The following LRCH3 variants were observed in gnomAD, a reference collection of about 807,000 sequenced individuals.
LRCH3 encodes the protein leucine rich repeats and calponin homology domain containing 3.
In LRCH3, 68 loss-of-function variants were observed where a neutral mutation model predicts 104.5. The ratio of observed to expected loss-of-function variants is 0.65; its 90% CI spans 0.54 to 0.80. LRCH3 has a LOEUF of 0.80. LRCH3 is among the 30% of genes least tolerant of loss of function. The pLI is 0.00. For synonymous variants in LRCH3, 344 were observed against 361.3 expected (o/e 0.95, Z 0.54); for missense variants, 951 against 953.9 (o/e 1.00, Z 0.04).
chr3:197,846,992 T>C (rs1738830724), intron 10 of LRCH3, among the ~76,000 whole-genome samples: 1 of 152,206 alleles, frequency 6.6e-6, no homozygotes, highest in Non-Finnish European at 1.5e-5. Context: ...GCAGGTGTGC[T>C]TTATAAGTAC....
chr3:197,854,518 T>C lies in LRCH3; in HGVS notation c.1644+73T>C. 7.6e-7 allele frequency: 1 copy of C among 1,316,392 alleles called. No homozygotes were observed. Among genetic ancestry groups the C allele is most frequent in the Non-Finnish European group, 1.1e-6 (1 of 909,028 alleles). 81.5% of individuals were successfully genotyped at this position (1,316,392 alleles called of 1,614,324 possible). ...TTGTACTTTTTATTCAGAAACTATCTAAATACCATAAAACATGATGAACAT... is the reference window on the plus strand; with the variant it reads ...TTGTACTTTTTATTCAGAAACTATCCAAATACCATAAAACATGATGAACAT... On this transcript the variant is annotated intron_variant, in intron 14 of 20. Transcript: ENST00000425562. This position sits in a 1 kb window ranked among gnomAD's most constrained non-coding sequence, Gnocchi z 4.5.
At chr3:197,813,859 G>A (rs1467956007) in intron 1 of LRCH3, among the ~76,000 whole-genome samples, 2 of 152,018 alleles carry the variant, frequency 1.3e-5, no homozygotes, top group Non-Finnish European at 2.9e-5. Context: ...ATTATCTTTT[G>A]TAAAGATAAC....
intron 9 of LRCH3, among the ~76,000 whole-genome samples, chr3:197,838,392 T>C (rs148394608): frequency 6.6e-6 from 1 of 152,374 alleles, no homozygotes; most frequent in South Asian, 2.1e-4. Context: ...CCCTTTGAAG[T>C]AACTCACCAA....
At chr3:197,861,908 A>G (rs891453128) in intron 15 of LRCH3, among the ~76,000 whole-genome samples, 2 of 152,258 alleles carry the variant, frequency 1.3e-5, no homozygotes, top group African/African-American at 4.8e-5. Flanking sequence ...TAATAAAAAT[A>G]CATTTCAGAA....
At chr3:197,845,115 G>A (rs1210845570) in intron 10 of LRCH3, among the ~76,000 whole-genome samples, 3 of 152,088 alleles carry the variant, frequency 2.0e-5, no homozygotes, top group Non-Finnish European at 4.4e-5. Context: ...TTTTAGAGAA[G>A]TATTGTAAAA....
intron 1 of LRCH3, among the ~76,000 whole-genome samples, chr3:197,812,750 C>T (rs558466131): frequency 3.9e-5 from 6 of 151,906 alleles, no homozygotes; most frequent in South Asian, 2.1e-4. Flanking sequence ...TTTGTGGAGA[C>T]GGGGTTTCGC....
At chr3:197,793,893 G>C (rs1309084581) in intron 1 of LRCH3, among the ~76,000 whole-genome samples, 1 of 152,160 alleles carries the variant, frequency 6.6e-6, no homozygotes, top group African/African-American at 2.4e-5. Flanking sequence ...GACCTTGCTC[G>C]TTACCCAGTC....
intron 4 of LRCH3, among the ~76,000 whole-genome samples, chr3:197,821,483 A>G (rs1257878554): frequency 6.6e-6 from 1 of 152,224 alleles, no homozygotes; most frequent in African/African-American, 2.4e-5. Context: ...AGTAAGAGTC[A>G]TCAGCTCATG....
chr3:197,828,401 A>C (rs1368742852), intron 5 of LRCH3, among the ~76,000 whole-genome samples: 1 of 152,020 alleles, frequency 6.6e-6, no homozygotes, highest in African/African-American at 2.4e-5. Context: ...GCTGGAGTGC[A>C]GTGGCGCGAT....
intron 1 of LRCH3, among the ~76,000 whole-genome samples, chr3:197,812,224 T>G (rs1264142064): frequency 1.3e-5 from 2 of 152,190 alleles, no homozygotes; most frequent in South Asian, 2.1e-4. Flanking sequence ...TTTTATGAAT[T>G]TGGCTGTTCT....
At chr3:197,828,868 C>T (rs1163353665) in intron 5 of LRCH3, among the ~76,000 whole-genome samples, 2 of 151,256 alleles carry the variant, frequency 1.3e-5, no homozygotes, top group East Asian at 2.0e-4. Flanking sequence ...CCACCATGCC[C>T]GGCTAATTTT....
intron 1 of LRCH3, among the ~76,000 whole-genome samples, chr3:197,791,948 C>T (rs1442276875): frequency 6.6e-6 from 1 of 152,060 alleles, no homozygotes; most frequent in Admixed American, 6.5e-5. Context: ...GGTGTCTGGA[C>T]GAGCTGCATT....
At position 197,874,907 on chromosome 3, in the gene LRCH3, T is replaced by G. The variant is rs189004049; in HGVS notation, c.2131-791T>G. Among the ~76,000 whole-genome samples, 277 of 151,834 alleles carry G rather than the reference T, an allele frequency of 1.8e-3. 1 individual carries two copies. The highest frequency in any genetic ancestry group is 6.4e-3 in the African/African-American group (266 of 41,378). ...AGTTGCTTTCAAGCTCCTGGCAGAC[T>G]CGAGTGGTTGCAACAGTTCTTTTTT... On this transcript the variant is annotated intron_variant, in intron 19 of 20. Transcript: ENST00000425562.
chr3:197,852,021 T>C (rs1351584213), intron 12 of LRCH3, among the ~76,000 whole-genome samples: 1 of 152,232 alleles, frequency 6.6e-6, no homozygotes, highest in Non-Finnish European at 1.5e-5. Context: ...GATGATATTT[T>C]ATCTCACACA....
chr3:197,796,938 A>G (rs1156392618), intron 1 of LRCH3, among the ~76,000 whole-genome samples: 1 of 152,234 alleles, frequency 6.6e-6, no homozygotes, highest in African/African-American at 2.4e-5. Context: ...TTTAGAATGT[A>G]GAGTGACACT....
chr3:197,854,415 T>G lies in LRCH3; in HGVS notation c.1614T>G (p.Ser538=), dbSNP rs1412665373. 3 of 1,614,214 alleles carry G rather than the reference T, an allele frequency of 1.9e-6. No individual in the cohort carries two copies. In the South Asian group the frequency reaches 3.3e-5, roughly 18 times the overall value. ...DGECPFPSRR[S]QHTDDSALCM... Reference sequence around the variant, plus strand: ...AGTGCCCCTTCCCATCCAGAAGGTCTCAGCACACTGATGATAGTGCCTTGT... The same window carrying G: ...AGTGCCCCTTCCCATCCAGAAGGTCGCAGCACACTGATGATAGTGCCTTGT... The change falls in exon 14 of 21, where the codon TCT becomes TCG. Residue 538 remains serine, a synonymous_variant. Coordinates refer to ENST00000425562, the MANE Select transcript of LRCH3 (RefSeq NM_001365715.1). This position sits in a 1 kb window ranked among gnomAD's most constrained non-coding sequence, Gnocchi z 4.5.
chr3:197,842,384 G>C (rs1406389296), intron 10 of LRCH3, among the ~76,000 whole-genome samples: 2 of 152,142 alleles, frequency 1.3e-5, no homozygotes, highest in Non-Finnish European at 2.9e-5. Flanking sequence ...AACCTAAAAA[G>C]ACACAGTCGC....
At chr3:197,832,154 G>C (rs1736033061) in intron 7 of LRCH3, 43 bp from the exon 8 acceptor site, 1 of 1,583,522 alleles carries the variant, frequency 6.3e-7, no homozygotes, top group Non-Finnish European at 8.6e-7. Flanking sequence ...GATCTGCCAG[G>C]CTCTAAAATG....
chr3:197,804,994 A>C (rs1560523944), intron 1 of LRCH3, among the ~76,000 whole-genome samples: 2 of 151,690 alleles, frequency 1.3e-5, no homozygotes, highest in Non-Finnish European at 2.9e-5. Context: ...TCCTGGATTC[A>C]AGCAATTCTC....
Sources: allele counts gnomAD v4.1 joint callset (sites outside exome capture counted in the v4.1 genomes callset), GRCh38; gene constraint gnomAD v4.1.1; non-coding constraint Gnocchi (gnomAD v3.1); transcripts MANE v1.5; gene names NCBI Gene and HGNC (gene_info 2026-07-23, HGNC 2026-07-21).